Variants in GSN observed in about 807,000 individuals in gnomAD.
GSN encodes gelsolin, also known as actin-depolymerizing factor.
A neutral mutation model predicts 85.7 loss-of-function variants in GSN; 56 were observed. The ratio of observed to expected loss-of-function variants is 0.65; its 90% CI spans 0.53 to 0.82. The LOEUF is 0.82. GSN is among the 40% of genes least tolerant of loss of function. GSN has a pLI of 0.00. For synonymous variants in GSN, 373 were observed against 399.1 expected (o/e 0.93, Z 0.78); for missense variants, 857 against 979.8 (o/e 0.87, Z 1.67).
intron 14 of GSN, 132 bp from the exon 15 acceptor site, chr9:121,328,759 G>A (rs2063536804): frequency 1.0e-6 from 1 of 983,296 alleles, no homozygotes; most frequent in South Asian, 1.3e-5. Context: ...TGGATCTCCT[G>A]GGATTTTTAG....
chr9:121,251,187 C>CTTTTTTTGTTTTTTTTTTT (rs2054825579), intron 6 of GSN, among the ~76,000 whole-genome samples: 1 of 73,044 alleles, frequency 1.4e-5, no homozygotes, highest in Non-Finnish European at 2.2e-5. Flanking sequence ...CTGATGTGTT[C>CTTTTTTTGTTTTTTTTTTT]TTTTTTTTTT....
intron 4 of GSN, among the ~76,000 whole-genome samples, chr9:121,306,681 A>G (rs901745070): frequency 4.6e-5 from 7 of 152,280 alleles, no homozygotes; most frequent in Admixed American, 2.0e-4. Flanking sequence ...AGAAAGCAGC[A>G]ATCAGTGCTA....
In GSN at chr9:121,329,089, G is replaced by C. The variant is rs1435550826; in HGVS notation, c.1887+74G>C. 1 of 1,587,848 alleles carries C rather than the reference G, an allele frequency of 6.3e-7. No homozygotes were observed. The highest frequency in any genetic ancestry group is 8.6e-7 in the Non-Finnish European group (1 of 1,164,158). ...TTCCACAGGACTGGCCGGCAGCAGG[G>C]GCAGGAGAAACAGTTCTGATGGTGT... is the stretch of plus-strand genomic sequence containing the variant. On this transcript the variant is annotated intron_variant, in intron 15 of 17. Transcript: ENST00000432226. The surrounding 1 kb of genome is among the most constrained non-coding windows in gnomAD (Gnocchi z 4.6).
Position 121,261,408 on chromosome 9 carries a change from C to T in GSN, c.-340-3746C>T, listed in dbSNP as rs1359458219. Among the ~76,000 whole-genome samples the T allele has an allele frequency of 1.3e-5, 2 of 152,256 alleles. No homozygotes were observed. Among genetic ancestry groups the T allele is most frequent in the African/African-American group, 2.4e-5 (1 of 41,476 alleles). On this transcript the variant is annotated intron_variant, in intron 6 of 24. Transcript: ENST00000373823. The surrounding 1 kb of genome is among the most constrained non-coding windows in gnomAD (Gnocchi z 4.1). The stretch of plus-strand genomic sequence containing the variant: ...CAGTGCCTTCATTCAGCCTGGCATG[C>T]TCCCAGCCCCACATGAAAGGCAGTG...
intron 2 of GSN, among the ~76,000 whole-genome samples, chr9:121,297,573 A>C (rs942744997): frequency 1.3e-5 from 2 of 152,178 alleles, no homozygotes; most frequent in African/African-American, 4.8e-5. Flanking sequence ...ATATGCAAAA[A>C]CAGGCACCAT....
chr9:121,238,703 G>A, intron 5 of GSN: 1 of 378,540 alleles, frequency 2.6e-6, no homozygotes, highest in South Asian at 2.1e-5. Flanking sequence ...GGAAGATTAG[G>A]AACAGTTGCC....
At chr9:121,233,783 G>C (rs1421480016) in intron 5 of GSN, among the ~76,000 whole-genome samples, 1 of 152,176 alleles carries the variant, frequency 6.6e-6, no homozygotes, top group Non-Finnish European at 1.5e-5. Context: ...AGCTAGCAAG[G>C]CCTAGAGTCT....
At chr9:121,271,939 A>G (rs2056038176) in intron 1 of GSN, among the ~76,000 whole-genome samples, 1 of 152,258 alleles carries the variant, frequency 6.6e-6, no homozygotes, top group Non-Finnish European at 1.5e-5. Context: ...TGGCGAAGCC[A>G]GGAAAACTGG....
At chr9:121,208,564 A>G (rs1426940385) in intron 1 of GSN, among the ~76,000 whole-genome samples, 10 of 152,240 alleles carry the variant, frequency 6.6e-5, no homozygotes, top group Admixed American at 4.6e-4. Context: ...ATGCTTCTAT[A>G]TCATGGCTCA....
chr9:121,325,918 C>G (rs553737991), intron 12 of GSN, among the ~76,000 whole-genome samples: 1 of 151,950 alleles, frequency 6.6e-6, no homozygotes. Flanking sequence ...TGGTGGGAAG[C>G]GACTGCCATA....
Position 121,299,338 on chromosome 9 carries a change from G to A in GSN, c.-9-2625G>A. Reference sequence around the variant, plus strand: ...TGGGGGTTCTGCCCAGGCCCACTACGGCCTGAGTTCAAATCCCGGCAGCAC... The same window carrying A: ...TGGGGGTTCTGCCCAGGCCCACTACAGCCTGAGTTCAAATCCCGGCAGCAC... On this transcript the variant is annotated intron_variant, in intron 2 of 17. Transcript: ENST00000432226. This position sits in a 1 kb window ranked among gnomAD's most constrained non-coding sequence, Gnocchi z 4.2. 1.0e-6 allele frequency: 1 copy of A among 983,946 alleles called. No individual in the cohort carries two copies. Among genetic ancestry groups the A allele is most frequent in the Non-Finnish European group, 1.2e-6 (1 of 828,624 alleles). 61.0% of individuals were successfully genotyped at this position (983,946 alleles called of 1,614,324 possible). A position where few individuals can be genotyped will look rare whatever the true frequency, so the allele number is the denominator to read the frequency against.
rs939586966 is a variant in GSN at position 121,299,899 on chromosome 9, C to T, written c.-9-2064C>T. 4.6e-6 allele frequency: 6 copies of T among 1,314,008 alleles called. No individual in the cohort carries two copies. The highest frequency in any genetic ancestry group is 5.9e-6 in the Non-Finnish European group (6 of 1,023,002). 81.4% of individuals were successfully genotyped at this position (1,314,008 alleles called of 1,614,324 possible). On this transcript the variant is annotated intron_variant, in intron 2 of 17. Transcript: ENST00000432226. This position sits in a 1 kb window ranked among gnomAD's most constrained non-coding sequence, Gnocchi z 4.2. ...CGCCCCGCGCCCGCGCTGCTTTGCG[C>T]GCTGTCCCTGGCGCTGTGCGCGCTG...
Position 121,302,060 on chromosome 9 carries a change from T to C in GSN, c.89T>C (p.Val30Ala). The change falls in exon 3 of 18, where the codon GTG becomes GCG. Residue 30 changes from valine (V) to alanine (A), a missense_variant. By Grantham distance (64) the Val-to-Ala change is moderately conservative (BLOSUM62 0). Transcript: ENST00000432226. ...GTGGAGAAGTTCGATCTGGTGCCCG[T>C]GCCCACCAACCTTTATGGAGACTTC... is the stretch of plus-strand genomic sequence containing the variant. The part of the protein sequence containing the change: ...WRVEKFDLVP[V>A]PTNLYGDFFT... 1 of 1,614,238 alleles carries C rather than the reference T, an allele frequency of 6.2e-7. No homozygotes were observed. The highest frequency in any genetic ancestry group is 8.5e-7 in the Non-Finnish European group (1 of 1,180,028).
chr9:121,207,923 A>ATGTGTGTGTGTGTGTGTGTGTGTGTGTG (rs59140426), intron 1 of GSN: 2 of 139,436 alleles, frequency 1.4e-5, no homozygotes, highest in African/African-American at 2.6e-5. Flanking sequence ...TCTGGCTAAT[A>ATGTGTGTGTGTGTGTGTGTGTGTGTGTG]TGTGTGTGTG....
chr9:121,292,670 A>ATT (rs1037356688), intron 2 of GSN, among the ~76,000 whole-genome samples: 1 of 151,964 alleles, frequency 6.6e-6, no homozygotes, highest in Non-Finnish European at 1.5e-5. Context: ...GGTGGTAGGG[A>ATT]TTTGGGCTCT....
At chr9:121,276,518 G>A (rs1158256500) in intron 1 of GSN, among the ~76,000 whole-genome samples, 3 of 152,172 alleles carry the variant, frequency 2.0e-5, no homozygotes, top group African/African-American at 7.2e-5. Flanking sequence ...TGTGACTGTG[G>A]TGACCCTTGG....
intron 2 of GSN, among the ~76,000 whole-genome samples, chr9:121,300,579 C>A (rs529732911): frequency 8.1e-4 from 123 of 152,174 alleles, no homozygotes; most frequent in Non-Finnish European, 1.5e-3. Flanking sequence ...CAGATCTCTT[C>A]TCCGGCCAGA....
At chr9:121,201,642 G>C in the GSN span, 1 of 152,732 alleles carries the variant, frequency 6.5e-6, no homozygotes, top group Middle Eastern at 3.4e-3. Context: ...GGGTTACCTG[G>C]GGGGTTGCTG....
chr9:121,299,838 G>A lies in GSN; in HGVS notation c.-9-2125G>A, dbSNP rs867882219. 27 of 1,347,158 alleles carry A rather than the reference G, an allele frequency of 2.0e-5. No individual in the cohort carries two copies. In the Middle Eastern group the frequency reaches 1.9e-3, roughly 96 times the overall value. 83.5% of individuals were successfully genotyped at this position (1,347,158 alleles called of 1,614,324 possible). ...CGACCCGAGGCCGCGGCTGCCGACT[G>A]GGTCCCCTGCCGCTGTCGCCACCAT... On this transcript the variant is annotated intron_variant, in intron 2 of 17. Transcript: ENST00000432226. This position sits in a 1 kb window ranked among gnomAD's most constrained non-coding sequence, Gnocchi z 4.2.
Sources: allele counts gnomAD v4.1 joint callset (sites outside exome capture counted in the v4.1 genomes callset), GRCh38; gene constraint gnomAD v4.1.1; non-coding constraint Gnocchi (gnomAD v3.1); transcripts MANE v1.5; gene names NCBI Gene and HGNC (gene_info 2026-07-23, HGNC 2026-07-21).